EIF4E3: variants seen among roughly 807,000 people sequenced by gnomAD.
EIF4E3 encodes eukaryotic translation initiation factor 4E family member 3.
In EIF4E3, 26 loss-of-function variants were observed where a neutral mutation model predicts 31.7. That is an observed-to-expected ratio of 0.82 (90% CI 0.60 to 1.14). The LOEUF (loss-of-function observed/expected upper bound fraction) is 1.14. Among genes scored for constraint, EIF4E3 ranks in the 50% most tolerant of loss-of-function variants. The pLI is 0.00. For synonymous variants in EIF4E3, 128 were observed against 107.7 expected (o/e 1.19, Z -1.17); for missense variants, 304 against 270.9 (o/e 1.12, Z -0.86).
At chr3:71,754,121 G>A, upstream of EIF4E3, 3 of 1,428,922 alleles carry the variant, frequency 2.1e-6, no homozygotes, top group Middle Eastern at 2.5e-4. The surrounding 1 kb of genome is among the most constrained non-coding windows in gnomAD (Gnocchi z 5.8). Context: ...AGCTGGCCAC[G>A]CTCAGCCTGC....
rs369471667 is a variant in EIF4E3, at chr3:71,735,686, T to G, written c.-290-7063A>C. Among the ~76,000 whole-genome samples the G allele has an allele frequency of 2.1e-4, 32 of 152,194 alleles. 2 individuals carry two copies. The highest frequency in any genetic ancestry group is 1.7e-3 in the Admixed American group (26 of 15,280). Reference sequence around the variant, plus strand: ...ATTTTGTGGGGAGGTTATTAGAGCATGAAGGGCCCATGAAGTCACAGCTCT... The same window carrying G: ...ATTTTGTGGGGAGGTTATTAGAGCAGGAAGGGCCCATGAAGTCACAGCTCT... On this transcript the variant is annotated intron_variant, in intron 1 of 7. Coordinates refer to the EIF4E3 transcript ENST00000295612.
intron 1 of EIF4E3, among the ~76,000 whole-genome samples, chr3:71,739,029 A>G (rs1000345851): frequency 3.8e-5 from 5 of 130,374 alleles, no homozygotes; most frequent in African/African-American, 9.6e-5. Flanking sequence ...GAAGTCTCAA[A>G]GAAAATTCAA....
downstream of EIF4E3, among the ~76,000 whole-genome samples, chr3:71,673,509 TA>T (rs1432010369): frequency 6.6e-6 from 1 of 151,608 alleles, no homozygotes; most frequent in African/African-American, 2.4e-5. Context: ...ATGAGATTAG[TA>T]AAAAAACACT....
chr3:71,666,914 G>A, the EIF4E3 span, among the ~76,000 whole-genome samples: 1 of 152,150 alleles, frequency 6.6e-6, no homozygotes, highest in African/African-American at 2.4e-5. Context: ...ACTCCAGCCT[G>A]CACAACAGAG....
intron 1 of EIF4E3, among the ~76,000 whole-genome samples, chr3:71,731,741 A>T (rs1277614730): frequency 1.3e-5 from 2 of 152,162 alleles, no homozygotes; most frequent in Non-Finnish European, 2.9e-5. Context: ...TCTTCCTAAA[A>T]AGCACTTTTG....
At chr3:71,739,628 T>C (rs60089188) in intron 1 of EIF4E3, among the ~76,000 whole-genome samples, 157 of 152,096 alleles carry the variant, frequency 1.0e-3, no homozygotes, top group African/African-American at 3.7e-3. Flanking sequence ...GCCTGGGAGA[T>C]TGAGGCTGCG....
Position 71,680,797 on chromosome 3 carries a change from T to G in EIF4E3, c.*3885A>C, listed in dbSNP as rs540862943. The G allele has an allele frequency of 6.6e-6, 1 of 152,312 alleles. No individual in the cohort carries two copies. Among genetic ancestry groups the G allele is most frequent in the South Asian group, 2.1e-4 (1 of 4,824 alleles). The allele number at this position is 152,312 out of a possible 1,614,324, so 9.4% of individuals were successfully genotyped here. A position where few individuals can be genotyped will look rare whatever the true frequency, so the allele number is the denominator to read the frequency against. ...GATCCAGGCTTTTTACAATCCTGAGTCACCAAACTCTTGAGTAATTTTAAC... is the reference window on the plus strand; with the variant it reads ...GATCCAGGCTTTTTACAATCCTGAGGCACCAAACTCTTGAGTAATTTTAAC... On this transcript the variant is annotated 3_prime_UTR_variant, in exon 7 of 7. Transcript: ENST00000425534.
At chr3:71,754,176 A>C, upstream of EIF4E3, 1 of 1,446,716 alleles carries the variant, frequency 6.9e-7, no homozygotes, top group South Asian at 1.2e-5. The surrounding 1 kb of genome is among the most constrained non-coding windows in gnomAD (Gnocchi z 5.8). Flanking sequence ...CGCGCTGCTG[A>C]TCGTGCGGGA....
In EIF4E3 at chr3:71,747,636, T is replaced by C. The variant is rs977896053; in HGVS notation, c.-291+5827A>G. Among the ~76,000 whole-genome samples the C allele has an allele frequency of 6.6e-5, 10 of 152,358 alleles. No individual in the cohort carries two copies. In the East Asian group the frequency reaches 7.7e-4, roughly 12 times the overall value. On this transcript the variant is annotated intron_variant, in intron 1 of 7. Transcript: ENST00000295612. Reference sequence around the variant, plus strand: ...AAAAATTTTAATGAAATCCAATTTATGTATTTTTTTCTTTTGTCACCTATC... The same window carrying C: ...AAAAATTTTAATGAAATCCAATTTACGTATTTTTTTCTTTTGTCACCTATC...
At chr3:71,749,075 G>C (rs2049901135) in intron 1 of EIF4E3, among the ~76,000 whole-genome samples, 1 of 152,262 alleles carries the variant, frequency 6.6e-6, no homozygotes, top group African/African-American at 2.4e-5. Flanking sequence ...ATATGCATAA[G>C]TGTAGTTAAC....
intron 1 of EIF4E3, among the ~76,000 whole-genome samples, chr3:71,719,511 T>C (rs1183146755): frequency 6.6e-6 from 1 of 151,008 alleles, no homozygotes; most frequent in Non-Finnish European, 1.5e-5. Context: ...GTGACAGCTG[T>C]ATATGATGGC....
intron 6 of EIF4E3, among the ~76,000 whole-genome samples, chr3:71,685,716 A>T (rs1469673657): frequency 6.6e-6 from 1 of 152,218 alleles, no homozygotes; most frequent in African/African-American, 2.4e-5. Flanking sequence ...CAAACACTTA[A>T]CGTTTTTTAA....
chr3:71,714,765 T>C (rs2049439756), intron 1 of EIF4E3, among the ~76,000 whole-genome samples: 1 of 152,236 alleles, frequency 6.6e-6, no homozygotes, highest in African/African-American at 2.4e-5. Context: ...GAACTGCAGC[T>C]GTATCATCTA....
intron 1 of EIF4E3, among the ~76,000 whole-genome samples, chr3:71,720,235 A>G (rs1207373492): frequency 6.6e-6 from 1 of 151,414 alleles, no homozygotes; most frequent in Non-Finnish European, 1.5e-5. Flanking sequence ...GCTGGAGTGT[A>G]TTGGTGTGAT....
rs530855048 is a variant in EIF4E3, at chr3:71,741,636, T to C, written c.-291+11827A>G. 8.5e-5 allele frequency among the ~76,000 whole-genome samples: 13 copies of C among 152,238 alleles called. No individual in the cohort carries two copies. The East Asian group carries it at 2.5e-3, about 29-fold the overall frequency. On this transcript the variant is annotated intron_variant, in intron 1 of 7. Transcript: ENST00000295612. ...AGTAGACAGAAATTTAGTAAGAACA[T>C]AAAAGATTTCAACAACACTATCAAC...
chr3:71,685,064 C>T (rs1426883804), intron 6 of EIF4E3, among the ~76,000 whole-genome samples: 1 of 152,092 alleles, frequency 6.6e-6, no homozygotes, highest in African/African-American at 2.4e-5. Context: ...ATGTGCCCCA[C>T]AAAATGCATT....
At chr3:71,746,999 G>A (rs1445005133) in intron 1 of EIF4E3, among the ~76,000 whole-genome samples, 1 of 152,180 alleles carries the variant, frequency 6.6e-6, no homozygotes, top group Non-Finnish European at 1.5e-5. Context: ...CCACTGTAGG[G>A]ATATATGACA....
upstream of EIF4E3, chr3:71,754,755 G>T: frequency 7.4e-7 from 1 of 1,350,718 alleles, no homozygotes. This position sits in a 1 kb window ranked among gnomAD's most constrained non-coding sequence, Gnocchi z 5.8. Context: ...GGGCGCCACC[G>T]GCCAGGCGGC....
At chr3:71,712,964 G>A (rs1314052585) in intron 1 of EIF4E3, among the ~76,000 whole-genome samples, 1 of 149,762 alleles carries the variant, frequency 6.7e-6, no homozygotes, top group East Asian at 2.0e-4. Context: ...GGAGATAATT[G>A]TACCAAGTTA....
Sources: allele counts gnomAD v4.1 joint callset (sites outside exome capture counted in the v4.1 genomes callset), GRCh38; gene constraint gnomAD v4.1.1; non-coding constraint Gnocchi (gnomAD v3.1); transcripts MANE v1.5; gene names NCBI Gene and HGNC (gene_info 2026-07-23, HGNC 2026-07-21).